CEACAM21: variants seen among roughly 807,000 people sequenced by gnomAD.
CEACAM21 encodes the protein CEA cell adhesion molecule 21.
In CEACAM21, 38 loss-of-function variants were observed where a neutral mutation model predicts 33.2. The ratio of observed to expected loss-of-function variants is 1.14; its 90% CI spans 0.88 to 1.50. CEACAM21 has a LOEUF of 1.50. CEACAM21 is among the 40% of genes most tolerant of loss of function. The pLI, the probability that CEACAM21 is intolerant of heterozygous loss-of-function variation, is 0.00. For synonymous variants in CEACAM21, 156 were observed against 143.0 expected (o/e 1.09, Z -0.65); for missense variants, 385 against 364.6 (o/e 1.06, Z -0.46).
upstream of CEACAM21, among the ~76,000 whole-genome samples, chr19:41,574,695 G>T (rs1346349526): frequency 6.6e-6 from 1 of 152,156 alleles, no homozygotes. Context: ...AATAGTAAGT[G>T]TTTACAAGAA....
chr19:41,581,370 T>C (rs1555793505), intron 3 of CEACAM21, among the ~76,000 whole-genome samples: 2 of 152,218 alleles, frequency 1.3e-5, no homozygotes, highest in African/African-American at 4.8e-5. Context: ...ATAGAAACAA[T>C]GCTAATGACT....
intron 2 of CEACAM21, among the ~76,000 whole-genome samples, chr19:41,565,972 G>C (rs1373069373): frequency 7.2e-6 from 1 of 138,670 alleles, no homozygotes; most frequent in Non-Finnish European, 1.6e-5. Flanking sequence ...GGGGGGCGGG[G>C]GGGGTGGGGT....
At position 41,577,211 on chromosome 19, in the gene CEACAM21, A is replaced by G; in HGVS notation, c.76A>G (p.Thr26Ala). Residue 26 changes from threonine to alanine, a missense_variant, in exon 2 of 7, where the codon ACT becomes GCT. By Grantham distance (58) the Thr-to-Ala change is moderately conservative. Transcript: ENST00000401445. ...TCTCCCTTTCCTAGCCTCACTTTTA[A>G]CTTTCTGGAACGCACCCACCACTGC... ...QGLLLTASLL[T>A]FWNAPTTAWL... is the part of the protein sequence containing the mutation. The G allele has an allele frequency of 1.2e-6, 2 of 1,613,888 alleles. No homozygotes were observed. The highest frequency in any genetic ancestry group is 1.7e-6 in the Non-Finnish European group (2 of 1,180,002).
At chr19:41,555,964 C>G (rs1034661574) in intron 1 of CEACAM21, among the ~76,000 whole-genome samples, 7 of 152,186 alleles carry the variant, frequency 4.6e-5, no homozygotes, top group Non-Finnish European at 8.8e-5. Flanking sequence ...AAAGTAATGC[C>G]TGGTACTCAC....
chr19:41,578,872 C>A (rs1175531912), intron 2 of CEACAM21, among the ~76,000 whole-genome samples: 1 of 152,168 alleles, frequency 6.6e-6, no homozygotes, highest in Non-Finnish European at 1.5e-5. Context: ...GCACAAGGCC[C>A]AACTGAGACA....
intron 1 of CEACAM21, among the ~76,000 whole-genome samples, chr19:41,564,192 GCTGGCCACA>G (rs1407416463): frequency 2.6e-5 from 4 of 152,236 alleles, no homozygotes; most frequent in Non-Finnish European, 4.4e-5. Flanking sequence ...GTGAACGCTT[GCTGGCCACA>G]AGCCAGCTAG....
chr19:41,585,970 C>T (rs2070708058), intron 6 of CEACAM21, 99 bp downstream of exon 6: 1 of 1,278,256 alleles, frequency 7.8e-7, no homozygotes, highest in Non-Finnish European at 1.1e-6. Context: ...CCACCCTACC[C>T]AGAATGACTT....
chr19:41,585,421 A>G, intron 4 of CEACAM21, 22 bp from the exon 5 acceptor site: 1 of 1,613,644 alleles, frequency 6.2e-7, no homozygotes, highest in Non-Finnish European at 8.5e-7. Flanking sequence ...GCACCTTCAC[A>G]AATAACCCTG....
At chr19:41,577,614 G>A (rs546339955) in intron 2 of CEACAM21, 55 bp downstream of exon 2, 16 of 1,601,778 alleles carry the variant, frequency 1.0e-5, no homozygotes, top group Admixed American at 8.8e-5. Flanking sequence ...CTTCACATAC[G>A]CAGGATTGTC....
intron 2 of CEACAM21, among the ~76,000 whole-genome samples, chr19:41,567,075 G>A (rs10420470): frequency 0.17 from 25,997 of 151,388 alleles, 2,270 homozygotes; most frequent in Middle Eastern, 0.23. Flanking sequence ...ATAATGTTAT[G>A]GTTTAGATAG....
chr19:41,578,405 T>C (rs2043117371), intron 2 of CEACAM21, among the ~76,000 whole-genome samples: 1 of 152,114 alleles, frequency 6.6e-6, no homozygotes, highest in South Asian at 2.1e-4. Flanking sequence ...TTAATGTTAA[T>C]TTACAGAGAG....
chr19:41,556,616 C>A (rs117885150), intron 1 of CEACAM21, among the ~76,000 whole-genome samples: 4,161 of 152,188 alleles, frequency 0.027, 99 homozygotes, highest in Non-Finnish European at 0.043. Context: ...GTAATCTCAC[C>A]AATACTAAAT....
At chr19:41,575,399 A>G (rs1220283648), upstream of CEACAM21, among the ~76,000 whole-genome samples, 3 of 152,242 alleles carry the variant, frequency 2.0e-5, no homozygotes, top group African/African-American at 7.2e-5. Context: ...CCCTGATCAG[A>G]TAGTCCTCAT....
chr19:41,585,319 C>T (rs2070647503), intron 4 of CEACAM21, 124 bp from the exon 5 acceptor site: 1 of 969,090 alleles, frequency 1.0e-6, no homozygotes, highest in Non-Finnish European at 1.6e-6. Flanking sequence ...TACCACAGAA[C>T]TCCATAAAGA....
chr19:41,561,091 T>C (rs1424102768), intron 1 of CEACAM21, among the ~76,000 whole-genome samples: 1 of 152,208 alleles, frequency 6.6e-6, no homozygotes, highest in Non-Finnish European at 1.5e-5. Flanking sequence ...AATCAAAAGA[T>C]TGTTGAACAA....
chr19:41,549,855 AT>A (rs566774468), intron 1 of CEACAM21, among the ~76,000 whole-genome samples: 10 of 151,298 alleles, frequency 6.6e-5, no homozygotes, highest in East Asian at 1.9e-4. Context: ...ACCGTGCCCA[AT>A]TTTTTTTTAA....
chr19:41,585,737 T>C (rs1188692025), intron 5 of CEACAM21, 103 bp from the exon 6 acceptor site: 3 of 1,263,780 alleles, frequency 2.4e-6, no homozygotes, highest in Non-Finnish European at 2.3e-6. Flanking sequence ...TGAGAAAGGC[T>C]CCCTCTCCCC....
At position 41,584,441 on chromosome 19, in the gene CEACAM21, C is replaced by T. The variant is rs782088097; in HGVS notation, c.795C>T (p.Gly265=). Residue 265 remains glycine (G), a splice_region_variant and synonymous_variant, in exon 4 of 7, where the codon GGC becomes GGT. Coordinates refer to ENST00000401445, the MANE Select transcript of CEACAM21 (RefSeq NM_001098506.4). ...LVCFLLLRKT[G]RASDQSDFRE... The stretch of plus-strand genomic sequence containing the variant: ...GTTTCCTGCTCCTCCGAAAAACTGG[C>T]AGGTACCACAGCTTTTCCCCATTCT... 1.2e-6 allele frequency: 2 copies of T among 1,600,800 alleles called. No individual in the cohort carries two copies. The highest frequency in any genetic ancestry group is 1.7e-4 in the Middle Eastern group (1 of 6,046).
At chr19:41,570,777 C>T (rs1193888995) in intron 2 of CEACAM21, among the ~76,000 whole-genome samples, 2 of 152,140 alleles carry the variant, frequency 1.3e-5, no homozygotes, top group Non-Finnish European at 2.9e-5. Flanking sequence ...GAAAGGGAGA[C>T]GGTGAGCTCC....
Sources: allele counts gnomAD v4.1 joint callset (sites outside exome capture counted in the v4.1 genomes callset), GRCh38; gene constraint gnomAD v4.1.1; transcripts MANE v1.5; gene names NCBI Gene and HGNC (gene_info 2026-07-23, HGNC 2026-07-21).